TBPL2: variants seen among roughly 807,000 people sequenced by gnomAD.
The protein encoded by TBPL2 is TATA-box binding protein like 2, also known as TATA box-binding protein-like 2.
TBPL2 carries 40 observed loss-of-function variants against 38.2 expected under a neutral mutation model. That is an observed-to-expected ratio of 1.05 (90% CI 0.81 to 1.36). The LOEUF (loss-of-function observed/expected upper bound fraction) is 1.36, where lower values mean the gene tolerates loss of function less well. TBPL2 is among the 40% of genes most tolerant of loss of function. The probability of loss-of-function intolerance (pLI) is 0.00; values close to 1 mark genes in which losing one functional copy is unlikely to be tolerated. For missense variants in TBPL2, 461 were observed against 456.7 expected, an observed-to-expected ratio of 1.01 and a Z score of -0.09; for synonymous variants, 169 against 171.7, an observed-to-expected ratio of 0.98 and a Z score of 0.12.
At chr14:55,418,256 C>T (rs1885695348) in intron 6 of TBPL2, among the ~76,000 whole-genome samples, 2 of 152,190 alleles carry the variant, frequency 1.3e-5, no homozygotes, top group Non-Finnish European at 2.9e-5. Flanking sequence ...GCCCCCAGCA[C>T]ATTACAAGTA....
At position 55,439,613 on chromosome 14, in the gene TBPL2, A is replaced by ACCCCCCCCCC. The variant is rs143930267; in HGVS notation, c.150+782_150+783insGGGGGGGGGG. ...CAACACCAGCCTGGGGAGAAAAGCA[A>ACCCCCCCCCC]ACCCCCCCCCGTCTCTACTAAAAAA... On this transcript the variant is annotated intron_variant, in intron 1 of 6. Coordinates refer to ENST00000247219, the Ensembl canonical transcript of TBPL2. Among the ~76,000 whole-genome samples the ACCCCCCCCCC allele has an allele frequency of 2.4e-3, 115 of 47,920 alleles. 17 individuals are homozygous for ACCCCCCCCCC. The highest frequency in any genetic ancestry group is 6.6e-3 in the East Asian group (7 of 1,068). The allele number at this position is 47,920 out of a possible 152,430, so 31.4% of individuals were successfully genotyped here.
chr14:55,430,398 T>TAA (rs370880582), intron 4 of TBPL2, among the ~76,000 whole-genome samples: 6 of 119,804 alleles, frequency 5.0e-5, no homozygotes, highest in East Asian at 5.1e-4. Context: ...TCACCCACTT[T>TAA]AAAAAAAAAA....
chr14:55,422,090 T>C (rs1156805880), intron 6 of TBPL2, among the ~76,000 whole-genome samples: 1 of 152,130 alleles, frequency 6.6e-6, no homozygotes, highest in African/African-American at 2.4e-5. Context: ...TATAATAGGA[T>C]AAACCTAGAG....
chr14:55,420,042 A>T (rs1241229931), intron 6 of TBPL2, among the ~76,000 whole-genome samples: 1 of 152,178 alleles, frequency 6.6e-6, no homozygotes, highest in Non-Finnish European at 1.5e-5. Flanking sequence ...TGAGGTGTTC[A>T]CCTGAAATTA....
At chr14:55,417,897 G>A (rs78756967) in intron 6 of TBPL2, among the ~76,000 whole-genome samples, 2,620 of 152,282 alleles carry the variant, frequency 0.017, 85 homozygotes, top group African/African-American at 0.06. Flanking sequence ...GGGCTTAAGT[G>A]CCAGCTCTAC....
intron 3 of TBPL2, 38 bp downstream of exon 3, chr14:55,435,809 A>G (rs1353397016): frequency 7.6e-7 from 1 of 1,319,104 alleles, no homozygotes; most frequent in African/African-American, 1.5e-5. Flanking sequence ...AAATCTAAAG[A>G]GAAGCTAATT....
chr14:55,436,789 C>T (rs143127759), exon 2 of TBPL2: 1 of 1,614,188 alleles, frequency 6.2e-7, no homozygotes, highest in Non-Finnish European at 8.5e-7. Flanking sequence ...TGGACTTTGG[C>T]TTTCAGAATT....
intron 6 of TBPL2, among the ~76,000 whole-genome samples, chr14:55,422,580 A>G (rs1327271343): frequency 6.6e-6 from 1 of 152,178 alleles, no homozygotes; most frequent in Non-Finnish European, 1.5e-5. Flanking sequence ...GGTGGGGCAC[A>G]GTGGCTCACA....
At chr14:55,429,766 C>CAAAAAA (rs71131266) in intron 4 of TBPL2, among the ~76,000 whole-genome samples, 27 of 52,352 alleles carry the variant, frequency 5.2e-4, no homozygotes, top group Non-Finnish European at 7.5e-4. Flanking sequence ...AACTCCGTCT[C>CAAAAAA]AAAAAAAAAA....
rs567342581 is a variant in TBPL2 at position 55,428,119 on chromosome 14, C to CTTTTT, written c.956+683_956+687dup. 3.6e-3 allele frequency among the ~76,000 whole-genome samples: 155 copies of CTTTTT among 43,356 alleles called. 41 individuals carry two copies. Among genetic ancestry groups the CTTTTT allele is most frequent in the African/African-American group, 0.014 (124 of 8,800 alleles). The allele number at this position is 43,356 out of a possible 152,430, so 28.4% of individuals were successfully genotyped here. ...GCCTAGTCCATTTCACATGCCTTAT[C>CTTTTT]TTTTTTTTTTTTTTTTTTTTTTTTT... On this transcript the variant is annotated intron_variant, in intron 5 of 6. Transcript: ENST00000247219.
chr14:55,440,591 T>G, exon 1 of TBPL2: 5 of 1,536,634 alleles, frequency 3.3e-6, no homozygotes, highest in African/African-American at 1.4e-5. Context: ...CGGCCCAGGT[T>G]CCTGCAGAGG....
At chr14:55,435,704 G>T in intron 3 of TBPL2, 143 bp downstream of exon 3, 1 of 575,756 alleles carries the variant, frequency 1.7e-6, no homozygotes, top group Non-Finnish European at 3.0e-6. Context: ...ACTCAAAACA[G>T]ATATTAACCC....
chr14:55,417,235 T>C (rs1885682188), intron 6 of TBPL2, among the ~76,000 whole-genome samples: 1 of 152,128 alleles, frequency 6.6e-6, no homozygotes, highest in Admixed American at 6.5e-5. Flanking sequence ...CGGTGTTCCT[T>C]CCTTTACACC....
chr14:55,438,514 C>G (rs7145183), intron 1 of TBPL2, among the ~76,000 whole-genome samples: 88,135 of 151,384 alleles, frequency 0.58, 25,664 homozygotes, highest in Admixed American at 0.65. Context: ...GGTCTCCTCC[C>G]GCAATTTACG....
chr14:55,415,797 C>T (rs573957017), intron 6 of TBPL2, among the ~76,000 whole-genome samples: 5 of 151,960 alleles, frequency 3.3e-5, no homozygotes, highest in African/African-American at 7.3e-5. Context: ...ATTTGGGAGG[C>T]GGGGGTTGCA....
chr14:55,421,922 A>G (rs1028461312), intron 6 of TBPL2, among the ~76,000 whole-genome samples: 2 of 152,200 alleles, frequency 1.3e-5, no homozygotes, highest in Non-Finnish European at 2.9e-5. Context: ...AAAAGTCTCA[A>G]TTTTTTTAGA....
intron 6 of TBPL2, among the ~76,000 whole-genome samples, chr14:55,416,911 A>G (rs899974499): frequency 1.3e-5 from 2 of 152,248 alleles, no homozygotes; most frequent in Non-Finnish European, 2.9e-5. Flanking sequence ...CTCATTTTCC[A>G]TAACACTTTT....
intron 4 of TBPL2, among the ~76,000 whole-genome samples, chr14:55,431,202 C>A (rs779226377): frequency 6.6e-6 from 1 of 152,180 alleles, no homozygotes; most frequent in Non-Finnish European, 1.5e-5. Context: ...TAACTAAATT[C>A]TCACAACTCA....
chr14:55,435,293 TTGGAGAC>T (rs1398140672), intron 3 of TBPL2, among the ~76,000 whole-genome samples: 15 of 152,030 alleles, frequency 9.9e-5, no homozygotes, highest in East Asian at 5.8e-4. Flanking sequence ...TTTTTTTTTT[TTGGAGAC>T]GGAGTCTCGC....
Sources: allele counts gnomAD v4.1 joint callset (sites outside exome capture counted in the v4.1 genomes callset), GRCh38; gene constraint gnomAD v4.1.1; transcripts MANE v1.5; gene names NCBI Gene and HGNC (gene_info 2026-07-23, HGNC 2026-07-21).